The following ACSM1 variants were observed in gnomAD, a reference collection of about 807,000 sequenced individuals.
The protein encoded by ACSM1 is acyl-coenzyme A synthetase ACSM1, mitochondrial.
In ACSM1, 79 loss-of-function variants were observed where a neutral mutation model predicts 75.8. The observed-to-expected ratio is 1.04, with a 90% CI of 0.87 to 1.26. The LOEUF (loss-of-function observed/expected upper bound fraction) is 1.26. Among genes scored for constraint, ACSM1 ranks in the 50% most tolerant of loss-of-function variants. ACSM1 has a pLI of 0.00. For missense variants in ACSM1, 676 were observed against 720.1 expected (o/e 0.94, Z 0.70); for synonymous variants, 279 against 265.8 (o/e 1.05, Z -0.48).
In ACSM1 at chr16:20,638,114, T is replaced by C. The variant is rs72778629; in HGVS notation, c.1117-663A>G. 7.2e-3 allele frequency among the ~76,000 whole-genome samples: 1,100 copies of C among 152,366 alleles called. 7 individuals are homozygous for C. The highest frequency in any genetic ancestry group is 0.02 in the Middle Eastern group (6 of 294). ...TTGTTCTCACAAATATATTTATTTC[T>C]GTAGCTGCGTGCTTTACATTCAGAC... On this transcript the variant is annotated intron_variant, in intron 8 of 13. Coordinates refer to ENST00000520010, the MANE Select transcript of ACSM1 (RefSeq NM_001318890.3).
At chr16:20,627,902 A>T in intron 10 of ACSM1, among the ~76,000 whole-genome samples, 1 of 96,890 alleles carries the variant, frequency 1.0e-5, no homozygotes, top group Non-Finnish European at 2.0e-5. Context: ...ATATATATAT[A>T]TATATATATA....
intron 2 of ACSM1, among the ~76,000 whole-genome samples, chr16:20,686,546 G>T (rs12050994): frequency 0.12 from 18,269 of 152,184 alleles, 1,237 homozygotes; most frequent in East Asian, 0.21. Context: ...TAGATGACCA[G>T]TTGATAGGTG....
At chr16:20,628,131 T>C (rs1349403653) in intron 10 of ACSM1, among the ~76,000 whole-genome samples, 1 of 151,768 alleles carries the variant, frequency 6.6e-6, no homozygotes, top group Non-Finnish European at 1.5e-5. Context: ...AACTTTTCAT[T>C]TTAAGACAAA....
chr16:20,636,919 G>T, intron 9 of ACSM1, 79 bp from the exon 10 acceptor site: 1 of 965,276 alleles, frequency 1.0e-6, no homozygotes, highest in Non-Finnish European at 1.7e-6. Flanking sequence ...TCTGGTTTAT[G>T]CATGGGACAC....
chr16:20,653,497 A>T lies in ACSM1; in HGVS notation c.992+8297T>A, dbSNP rs188275189. ...TTGCAGATGACATGATTGTATATTTAAAAAACCCCATCGTCTCAGCCCAAA... is the reference window on the plus strand; with the variant it reads ...TTGCAGATGACATGATTGTATATTTTAAAAACCCCATCGTCTCAGCCCAAA... On this transcript the variant is annotated intron_variant, in intron 7 of 13. Coordinates refer to ENST00000520010, the MANE Select transcript of ACSM1 (RefSeq NM_001318890.3). Among the ~76,000 whole-genome samples, 1,126 of 152,316 alleles carry T rather than the reference A, an allele frequency of 7.4e-3. 18 individuals carry two copies. Among genetic ancestry groups the T allele is most frequent in the African/African-American group, 0.026 (1,099 of 41,560 alleles).
At chr16:20,644,984 A>G (rs2018279321) in intron 7 of ACSM1, among the ~76,000 whole-genome samples, 1 of 152,198 alleles carries the variant, frequency 6.6e-6, no homozygotes, top group Admixed American at 6.5e-5. Context: ...CATTGCCTAC[A>G]TCCTCTCTGA....
chr16:20,668,241 C>G (rs1313868375), intron 6 of ACSM1, among the ~76,000 whole-genome samples: 1 of 152,122 alleles, frequency 6.6e-6, no homozygotes, highest in East Asian at 1.9e-4. Flanking sequence ...ATGAATAATT[C>G]ATAAAAATAG....
intron 7 of ACSM1, among the ~76,000 whole-genome samples, chr16:20,644,396 C>T (rs2018243987): frequency 6.6e-6 from 1 of 152,164 alleles, no homozygotes; most frequent in South Asian, 2.1e-4. Context: ...GGTGATTTAA[C>T]ATTAACCACT....
At chr16:20,650,984 A>G (rs574724827) in intron 7 of ACSM1, among the ~76,000 whole-genome samples, 2 of 152,296 alleles carry the variant, frequency 1.3e-5, no homozygotes, top group South Asian at 4.1e-4. Context: ...TATTTATCCC[A>G]TGGCTAAAGT....
At chr16:20,693,265 T>C (rs1356823645) in intron 1 of ACSM1, among the ~76,000 whole-genome samples, 3 of 151,884 alleles carry the variant, frequency 2.0e-5, no homozygotes, top group African/African-American at 7.3e-5. Context: ...TTCCCTAGAG[T>C]AGCATTCAGG....
At chr16:20,638,714 C>G (rs1288147643) in intron 8 of ACSM1, among the ~76,000 whole-genome samples, 1 of 152,194 alleles carries the variant, frequency 6.6e-6, no homozygotes, top group African/African-American at 2.4e-5. Context: ...ATTGGCAGAG[C>G]TGAGACTTGG....
intron 2 of ACSM1, among the ~76,000 whole-genome samples, chr16:20,686,454 C>T (rs899437735): frequency 5.9e-5 from 9 of 152,054 alleles, no homozygotes; most frequent in Non-Finnish European, 1.2e-4. Context: ...GAACAACACA[C>T]ACTGGGGCCA....
At chr16:20,665,962 T>A (rs1002905404) in intron 6 of ACSM1, among the ~76,000 whole-genome samples, 5 of 152,044 alleles carry the variant, frequency 3.3e-5, no homozygotes, top group Admixed American at 3.3e-4. Context: ...CCTCAAGAAA[T>A]GAGGCATTGA....
intron 12 of ACSM1, among the ~76,000 whole-genome samples, 155 bp downstream of exon 12, chr16:20,625,266 CAG>C (rs2016849448): frequency 6.6e-6 from 1 of 152,206 alleles, no homozygotes; most frequent in African/African-American, 2.4e-5. Context: ...TTCAGAGCCA[CAG>C]AGAGTCCACA....
chr16:20,643,306 G>C (rs1302220134), intron 7 of ACSM1, among the ~76,000 whole-genome samples: 1 of 152,188 alleles, frequency 6.6e-6, no homozygotes, highest in Non-Finnish European at 1.5e-5. Flanking sequence ...GGAAGGAATA[G>C]CAAGTGAAAT....
In ACSM1 at chr16:20,691,214, C is replaced by A; in HGVS notation, c.-26G>T. 1.4e-5 allele frequency: 21 copies of A among 1,530,098 alleles called. No homozygotes were observed. The highest frequency in any genetic ancestry group is 1.8e-5 in the Non-Finnish European group (21 of 1,143,318). The allele number at this position is 1,530,098 out of a possible 1,614,324, so 94.8% of individuals were successfully genotyped here. On this transcript the variant is annotated 5_prime_UTR_variant, in exon 2 of 14. Coordinates refer to ENST00000520010, the MANE Select transcript of ACSM1 (RefSeq NM_001318890.3). ...GGTGAAACAGTCCTCAGAAACCAGG[C>A]ACAGAGTTCTCAAGTCACCACCTGC...
intron 1 of ACSM1, among the ~76,000 whole-genome samples, chr16:20,693,006 T>C (rs1407290734): frequency 1.3e-5 from 2 of 152,002 alleles, no homozygotes; most frequent in Non-Finnish European, 2.9e-5. Flanking sequence ...CTGTCTCTAC[T>C]AAAAATTTGA....
intron 2 of ACSM1, among the ~76,000 whole-genome samples, chr16:20,686,978 ATTTTT>A (rs34041438): frequency 1.5e-5 from 2 of 135,994 alleles, no homozygotes; most frequent in East Asian, 2.1e-4. Flanking sequence ...AAATTTTGTG[ATTTTT>A]TTTTTTTTTT....
At chr16:20,651,757 T>A (rs1045805117) in intron 7 of ACSM1, among the ~76,000 whole-genome samples, 3 of 152,300 alleles carry the variant, frequency 2.0e-5, no homozygotes, top group Middle Eastern at 6.8e-3. Context: ...AAATGCTTTT[T>A]CAAGTTCATG....
Sources: gnomAD v4.1 joint callset for allele counts (sites outside exome capture counted in the v4.1 genomes callset) on GRCh38, gnomAD v4.1.1 for gene constraint, MANE v1.5 for transcripts, NCBI Gene and HGNC (gene_info 2026-07-23, HGNC 2026-07-21) for gene names.